The following TOP3A variants were observed in gnomAD, a reference collection of about 807,000 sequenced individuals.
The protein encoded by TOP3A is DNA topoisomerase III alpha.
In TOP3A, 64 loss-of-function variants were observed where a neutral mutation model predicts 111.3. The observed-to-expected ratio is 0.57, with a 90% CI of 0.47 to 0.71. The LOEUF is 0.71. Among genes scored for constraint, TOP3A ranks in the 30% least tolerant of loss-of-function variants. TOP3A has a pLI of 0.00. For missense variants in TOP3A, 1,104 were observed against 1,285.0 expected, an observed-to-expected ratio of 0.86 and a Z score of 2.15; for synonymous variants, 484 against 485.1, an observed-to-expected ratio of 1.00 and a Z score of 0.03.
intron 9 of TOP3A, among the ~76,000 whole-genome samples, chr17:18,298,397 C>A (rs1387379738): frequency 1.4e-4 from 20 of 146,796 alleles, no homozygotes; most frequent in African/African-American, 3.4e-4. Flanking sequence ...GTCAGCCCCC[C>A]ACCCGGCCAG....
chr17:18,306,893 T>C lies in TOP3A; in HGVS notation c.388A>G (p.Lys130Glu), dbSNP rs758516036. ...ATATGTCTTCCAAAAGACCCTACCT[T>C]GATGTCTACAAAATTCTCTGGGCAG... ...KYCPENFVDI[K>E]KTLERETRQC... The change falls in exon 4 of 19, where the codon AAG (lysine) becomes GAG (glutamate). Residue 130 changes from lysine (K) to glutamate (E), a missense_variant and splice_region_variant. By Grantham distance (56) the Lys-to-Glu change is moderately conservative (BLOSUM62 1). Coordinates refer to ENST00000321105, the MANE Select transcript of TOP3A (RefSeq NM_004618.5). 6.2e-7 allele frequency: 1 copy of C among 1,609,046 alleles called. No homozygotes were observed. Among genetic ancestry groups the C allele is most frequent in the Non-Finnish European group, 8.5e-7 (1 of 1,175,484 alleles).
In TOP3A at chr17:18,277,831, T is replaced by G; in HGVS notation, c.2671A>C (p.Ser891Arg). Residue 891 changes from serine (S) to arginine (R), a missense_variant, in exon 18 of 19, where the codon AGT (serine) becomes CGT (arginine). Physicochemically the swap from Ser to Arg is moderately radical, Grantham distance 110. Transcript: ENST00000321105. Reference protein sequence around the residue: ...LGGFGNPGDGSGSGTSCLCSQ... With the variant: ...LGGFGNPGDGRGSGTSCLCSQ... ...CAAAGGCAGGATGTGCCACTACCAC[T>G]GCCATCACCAGGGTTGCCAAACCCA... 5 of 1,614,138 alleles carry G rather than the reference T, an allele frequency of 3.1e-6. No homozygotes were observed. Among genetic ancestry groups the G allele is most frequent in the Non-Finnish European group, 4.2e-6 (5 of 1,180,022 alleles).
At chr17:18,283,757 C>A (rs1165687508) in intron 15 of TOP3A, among the ~76,000 whole-genome samples, 2 of 152,188 alleles carry the variant, frequency 1.3e-5, no homozygotes, top group Non-Finnish European at 2.9e-5. Flanking sequence ...TGGCTATAAA[C>A]TGGGGTTCCT....
intron 13 of TOP3A, among the ~76,000 whole-genome samples, chr17:18,286,893 C>T (rs1426691678): frequency 6.6e-6 from 1 of 152,186 alleles, no homozygotes. Context: ...AAGTGATTCT[C>T]TTGCCTCAGC....
chr17:18,282,255 ACC>A (rs1163498696), intron 16 of TOP3A, among the ~76,000 whole-genome samples: 1 of 152,202 alleles, frequency 6.6e-6, no homozygotes, highest in East Asian at 1.9e-4. Context: ...GACCATTTTC[ACC>A]AAATCCTCAC....
intron 5 of TOP3A, chr17:18,303,208 G>C (rs939529757): frequency 7.2e-5 from 11 of 153,312 alleles, no homozygotes; most frequent in Non-Finnish European, 7.3e-5. Flanking sequence ...CTTTGTGAAA[G>C]TCATCGCCAT....
intron 13 of TOP3A, among the ~76,000 whole-genome samples, chr17:18,288,472 A>T (rs561770584): frequency 5.8e-4 from 88 of 152,046 alleles, no homozygotes; most frequent in Admixed American, 1.7e-3. Context: ...TATTATTATT[A>T]TTTTTTTGTA....
At position 18,273,947 on chromosome 17, in the gene TOP3A, T is replaced by A. The variant is rs1979160720; in HGVS notation, c.*855A>T. The A allele has an allele frequency of 1.3e-5, 2 of 152,210 alleles. No individual in the cohort carries two copies. The highest frequency in any genetic ancestry group is 1.9e-4 in the East Asian group (1 of 5,170). 9.4% of individuals were successfully genotyped at this position (152,210 alleles called of 1,614,324 possible). A position where few individuals can be genotyped will look rare whatever the true frequency, so the allele number is the denominator to read the frequency against. On this transcript the variant is annotated 3_prime_UTR_variant, in exon 19 of 19. Transcript: ENST00000321105. ...CGGGGTTGGATTCTTTTTATTTTTT[T>A]AAATTTTTAAATTTTTTTTGAGACT...
chr17:18,284,349 C>T (rs369166102), intron 15 of TOP3A, among the ~76,000 whole-genome samples: 1 of 152,146 alleles, frequency 6.6e-6, no homozygotes, highest in East Asian at 1.9e-4. Context: ...ATTACTTAGG[C>T]ATGATTGACA....
chr17:18,280,257 T>C, intron 17 of TOP3A: 1 of 235,412 alleles, frequency 4.2e-6, no homozygotes, highest in East Asian at 8.1e-5. Flanking sequence ...TTCCTAAGCC[T>C]GGTGTAGCAA....
chr17:18,298,716 T>C (rs933221896), intron 9 of TOP3A, among the ~76,000 whole-genome samples: 11 of 152,056 alleles, frequency 7.2e-5, no homozygotes, highest in African/African-American at 2.4e-4. Context: ...CTAAGAAAAA[T>C]TCTTCTGCCT....
At chr17:18,297,480 C>T (rs926575623) in intron 9 of TOP3A, among the ~76,000 whole-genome samples, 14 of 152,024 alleles carry the variant, frequency 9.2e-5, no homozygotes, top group Admixed American at 2.0e-4. Context: ...CCTCTCTCCA[C>T]GGTCTCCCTC....
At chr17:18,294,589 A>C (rs1980679676) in intron 10 of TOP3A, 114 bp downstream of exon 10, 2 of 737,836 alleles carry the variant, frequency 2.7e-6, no homozygotes, top group Non-Finnish European at 4.6e-6. Flanking sequence ...CAGCCACCCA[A>C]AGTGATGGGA....
chr17:18,281,257 C>T (rs1293146825), intron 16 of TOP3A, among the ~76,000 whole-genome samples: 1 of 151,864 alleles, frequency 6.6e-6, no homozygotes, highest in Non-Finnish European at 1.5e-5. Context: ...TGCCTGGGTA[C>T]ACTATGAAGG....
At chr17:18,297,153 C>T (rs747165779) in intron 9 of TOP3A, among the ~76,000 whole-genome samples, 6 of 152,180 alleles carry the variant, frequency 3.9e-5, no homozygotes, top group Non-Finnish European at 7.3e-5. Context: ...AGGCCAGGCG[C>T]GGTGGCTCAC....
intron 18 of TOP3A, among the ~76,000 whole-genome samples, chr17:18,275,661 C>CGGCTGAA (rs1428387803): frequency 1.4e-5 from 2 of 141,084 alleles, no homozygotes; most frequent in Non-Finnish European, 1.5e-5. Context: ...CGTGCCCGGC[C>CGGCTGAA]TTTTTTTTTT....
intron 17 of TOP3A, 62 bp from the exon 18 acceptor site, chr17:18,278,419 A>G: frequency 4.9e-6 from 7 of 1,442,682 alleles, no homozygotes; most frequent in Non-Finnish European, 6.5e-6. Context: ...TCCTTAGTCC[A>G]GTGAGGGCTG....
chr17:18,274,973 A>G lies in TOP3A; in HGVS notation c.2835T>C (p.Ser945=). 6.2e-7 allele frequency: 1 copy of G among 1,613,604 alleles called. No individual in the cohort carries two copies. The highest frequency in any genetic ancestry group is 2.2e-5 in the East Asian group (1 of 44,864). The change falls in exon 19 of 19, where the codon TCT becomes TCC. Residue 945 remains serine, a synonymous_variant. Transcript: ENST00000321105. ...TGTCTCCTGTCCAGGACGGGGCTCC[A>G]GAAGTCCCTGTCGGGAGAGTCAGGG... ...WVDENTAPGT[S]GAPSWTGDRG...
intron 15 of TOP3A, among the ~76,000 whole-genome samples, chr17:18,283,703 T>A (rs912176283): frequency 4.6e-5 from 7 of 152,192 alleles, no homozygotes; most frequent in African/African-American, 1.7e-4. Flanking sequence ...TTCCCTCAGA[T>A]GTCAGTCACA....
Sources: allele counts gnomAD v4.1 joint callset (sites outside exome capture counted in the v4.1 genomes callset), GRCh38; gene constraint gnomAD v4.1.1; transcripts MANE v1.5; gene names NCBI Gene and HGNC (gene_info 2026-07-23, HGNC 2026-07-21).